MACROD2: variants seen among roughly 807,000 people sequenced by gnomAD.
The protein encoded by MACROD2 is mono-ADP ribosylhydrolase 2, also known as ADP-ribose glycohydrolase MACROD2.
Under a neutral mutation model 70.4 loss-of-function variants are expected in MACROD2, and 36 were observed. That is an observed-to-expected ratio of 0.51 (90% CI 0.39 to 0.68). The LOEUF (loss-of-function observed/expected upper bound fraction) is 0.68, where lower values mean the gene tolerates loss of function less well. Among genes scored for constraint, MACROD2 ranks in the 30% least tolerant of loss-of-function variants. The pLI is 0.00. For synonymous variants in MACROD2, 172 were observed against 178.8 expected (o/e 0.96, Z 0.30); for missense variants, 496 against 538.4 (o/e 0.92, Z 0.78).
chr20:15,138,052 T>G (rs2076163981), intron 5 of MACROD2, among the ~76,000 whole-genome samples: 2 of 152,142 alleles, frequency 1.3e-5, no homozygotes, highest in African/African-American at 4.8e-5. Flanking sequence ...TATCAATCAG[T>G]TAGTAAAATA....
At chr20:15,376,595 CTG>C (rs2045565843) in intron 6 of MACROD2, among the ~76,000 whole-genome samples, 1 of 152,198 alleles carries the variant, frequency 6.6e-6, no homozygotes, top group South Asian at 2.1e-4. Flanking sequence ...ACCACTGGGA[CTG>C]TGAGAAAACA....
At chr20:14,113,363 G>A (rs2054476374) in intron 3 of MACROD2, among the ~76,000 whole-genome samples, 1 of 151,930 alleles carries the variant, frequency 6.6e-6, no homozygotes, top group South Asian at 2.1e-4. Flanking sequence ...TCACATTTCT[G>A]TCATGTCCAA....
At chr20:15,555,659 G>C (rs758340217) in intron 8 of MACROD2, among the ~76,000 whole-genome samples, 2 of 151,572 alleles carry the variant, frequency 1.3e-5, no homozygotes, top group African/African-American at 4.8e-5. Flanking sequence ...AGCACAACAC[G>C]GTGAAACCCC....
At chr20:15,368,048 AAT>A (rs1301867579) in intron 6 of MACROD2, among the ~76,000 whole-genome samples, 1 of 152,190 alleles carries the variant, frequency 6.6e-6, no homozygotes, top group African/African-American at 2.4e-5. Flanking sequence ...CATTTCTCAA[AAT>A]ATATTGTAGG....
At chr20:14,820,121 A>G (rs1178138414) in intron 5 of MACROD2, among the ~76,000 whole-genome samples, 2 of 152,110 alleles carry the variant, frequency 1.3e-5, no homozygotes, top group Non-Finnish European at 2.9e-5. Context: ...GAGAGTTTGC[A>G]CTGAAGAAGG....
In MACROD2 at chr20:14,987,397, G is replaced by A. The variant is rs111733617; in HGVS notation, c.419-242543G>A. ...TACTATTATTACTGGGATTGTTGCC[G>A]CCGTTGTTATTAAACAACTTGTTCA... On this transcript the variant is annotated intron_variant, in intron 5 of 17. Coordinates refer to ENST00000684519, the MANE Select transcript of MACROD2 (RefSeq NM_001351661.2). 2.3e-4 allele frequency among the ~76,000 whole-genome samples: 35 copies of A among 152,210 alleles called. 1 individual carries two copies. The highest frequency in any genetic ancestry group is 3.4e-3 in the Middle Eastern group (1 of 294).
intron 8 of MACROD2, among the ~76,000 whole-genome samples, chr20:15,765,951 G>GGA (rs1429300247): frequency 6.6e-6 from 1 of 152,020 alleles, no homozygotes; most frequent in Non-Finnish European, 1.5e-5. Context: ...AAAATATTCT[G>GGA]GAGAGAGAGA....
At chr20:15,053,024 G>T (rs1220178323) in intron 5 of MACROD2, among the ~76,000 whole-genome samples, 1 of 152,178 alleles carries the variant, frequency 6.6e-6, no homozygotes, top group Non-Finnish European at 1.5e-5. Context: ...CCAGAGCAAC[G>T]CCCTAACTCT....
chr20:14,748,138 C>T (rs1418825050), intron 5 of MACROD2, among the ~76,000 whole-genome samples: 1 of 151,988 alleles, frequency 6.6e-6, no homozygotes, highest in Admixed American at 6.6e-5. Flanking sequence ...TGCTCTTCTC[C>T]CCTCATTTAA....
chr20:14,373,891 A>T (rs1290126093), intron 3 of MACROD2, among the ~76,000 whole-genome samples: 1 of 152,196 alleles, frequency 6.6e-6, no homozygotes, highest in East Asian at 1.9e-4. Context: ...TGTTGCAAAT[A>T]AATATTGCAT....
At chr20:15,083,587 T>A (rs1298981921) in intron 5 of MACROD2, among the ~76,000 whole-genome samples, 1 of 147,916 alleles carries the variant, frequency 6.8e-6, no homozygotes, top group Non-Finnish European at 1.5e-5. Context: ...TCCCTCCACA[T>A]CAACAATAAT....
At chr20:14,031,510 A>G (rs1389621728) in intron 2 of MACROD2, among the ~76,000 whole-genome samples, 5 of 152,170 alleles carry the variant, frequency 3.3e-5, no homozygotes, top group Admixed American at 1.3e-4. Context: ...TTAATTACAA[A>G]TACTTTAAAA....
intron 5 of MACROD2, among the ~76,000 whole-genome samples, chr20:14,748,748 G>A (rs988047893): frequency 1.3e-5 from 2 of 152,086 alleles, no homozygotes; most frequent in Non-Finnish European, 2.9e-5. Flanking sequence ...ATTGGCTTTA[G>A]AAATTCTAAA....
At chr20:16,008,030 T>C (rs1316848919) in intron 15 of MACROD2, among the ~76,000 whole-genome samples, 2 of 152,178 alleles carry the variant, frequency 1.3e-5, no homozygotes, top group African/African-American at 4.8e-5. Flanking sequence ...ACATGCACGA[T>C]GGGGAGCTCA....
At chr20:15,365,052 T>G (rs564864273) in intron 6 of MACROD2, among the ~76,000 whole-genome samples, 2 of 152,324 alleles carry the variant, frequency 1.3e-5, no homozygotes, top group African/African-American at 4.8e-5. Flanking sequence ...AGAATCACAT[T>G]TTACTCTGAT....
At chr20:14,028,472 A>G (rs1303117874) in intron 2 of MACROD2, among the ~76,000 whole-genome samples, 3 of 149,716 alleles carry the variant, frequency 2.0e-5, no homozygotes, top group Non-Finnish European at 2.9e-5. Flanking sequence ...TGGGGTATGA[A>G]AAAAAACTCC....
chr20:15,864,035 A>T (rs572717126), intron 9 of MACROD2, among the ~76,000 whole-genome samples: 1 of 152,268 alleles, frequency 6.6e-6, no homozygotes, highest in South Asian at 2.1e-4. Flanking sequence ...AAAGAAGAGG[A>T]CTGTGGTTAT....
chr20:15,928,272 G>C (rs1349925118), intron 10 of MACROD2, among the ~76,000 whole-genome samples: 1 of 152,166 alleles, frequency 6.6e-6, no homozygotes, highest in Non-Finnish European at 1.5e-5. Context: ...ACATTCTGTT[G>C]CTTAAAATTA....
chr20:14,186,694 C>A (rs1038403630), intron 3 of MACROD2, among the ~76,000 whole-genome samples: 1 of 152,104 alleles, frequency 6.6e-6, no homozygotes, highest in Non-Finnish European at 1.5e-5. Flanking sequence ...TGGAATCAAC[C>A]TAGATGCCCA....
Sources: allele counts gnomAD v4.1 joint callset (sites outside exome capture counted in the v4.1 genomes callset), GRCh38; gene constraint gnomAD v4.1.1; transcripts MANE v1.5; gene names NCBI Gene and HGNC (gene_info 2026-07-23, HGNC 2026-07-21).